The following KCNN2 variants were observed in gnomAD, a reference collection of about 807,000 sequenced individuals.
KCNN2 encodes potassium calcium-activated channel subfamily N member 2, also known as small conductance calcium-activated potassium channel protein 2.
Under a neutral mutation model 55.5 loss-of-function variants are expected in KCNN2, and 24 were observed. The ratio of observed to expected loss-of-function variants is 0.43; its 90% confidence interval spans 0.31 to 0.61. The LOEUF (loss-of-function observed/expected upper bound fraction) is 0.61. KCNN2 is among the 20% of genes least tolerant of loss of function. The pLI is 0.08. For missense variants in KCNN2, 754 were observed against 853.6 expected (o/e 0.88, Z 1.45); for synonymous variants, 431 against 336.1 (o/e 1.28, Z -3.09).
chr5:114,157,468 A>C (rs76004579), intron 1 of KCNN2, among the ~76,000 whole-genome samples: 13 of 152,018 alleles, frequency 8.6e-5, no homozygotes, highest in African/African-American at 2.9e-4. Context: ...ATAAACATAC[A>C]TGTGCATGTG....
intron 2 of KCNN2, among the ~76,000 whole-genome samples, chr5:114,341,053 T>C (rs555461657): frequency 4.6e-5 from 7 of 152,354 alleles, no homozygotes; most frequent in Admixed American, 1.3e-4. Context: ...TCATCGTCTA[T>C]ATGTATATAC....
intron 2 of KCNN2, among the ~76,000 whole-genome samples, chr5:114,345,088 A>G (rs1057102224): frequency 1.3e-5 from 2 of 152,186 alleles, no homozygotes; most frequent in Non-Finnish European, 2.9e-5. Flanking sequence ...CCAAAATAAG[A>G]GAGTGTTTGA....
At chr5:114,327,264 C>T (rs771354670) in intron 2 of KCNN2, among the ~76,000 whole-genome samples, 132 of 152,320 alleles carry the variant, frequency 8.7e-4, no homozygotes, top group Admixed American at 1.9e-3. Context: ...TTTTAATTTT[C>T]TCATCTGCCT....
chr5:114,327,634 A>G (rs1033639558), intron 2 of KCNN2, among the ~76,000 whole-genome samples: 5 of 152,246 alleles, frequency 3.3e-5, no homozygotes, highest in African/African-American at 1.2e-4. Flanking sequence ...CATTTGTAGA[A>G]TGAAAGGAGT....
intron 2 of KCNN2, among the ~76,000 whole-genome samples, chr5:114,295,674 T>G (rs1246284035): frequency 6.6e-6 from 1 of 152,158 alleles, no homozygotes; most frequent in Non-Finnish European, 1.5e-5. Flanking sequence ...TGCCTCACCC[T>G]GCTTCAGCTC....
At chr5:114,090,117 C>T (rs1751105149) in intron 1 of KCNN2, among the ~76,000 whole-genome samples, 3 of 152,110 alleles carry the variant, frequency 2.0e-5, no homozygotes, top group Non-Finnish European at 4.4e-5. Flanking sequence ...TTCCAGATAT[C>T]TTTTTATATA....
intron 1 of KCNN2, among the ~76,000 whole-genome samples, chr5:114,124,145 CATA>C (rs1351719047): frequency 6.6e-6 from 1 of 152,138 alleles, no homozygotes; most frequent in Non-Finnish European, 1.5e-5. Context: ...TGTTTGTCAT[CATA>C]ATGGCAGGTT....
intron 2 of KCNN2, among the ~76,000 whole-genome samples, chr5:114,222,399 C>T (rs757337238): frequency 1.3e-5 from 2 of 152,064 alleles, no homozygotes; most frequent in Non-Finnish European, 2.9e-5. Flanking sequence ...CATGGACAGG[C>T]AATGAATATC....
intron 1 of KCNN2, among the ~76,000 whole-genome samples, chr5:114,134,785 A>G (rs1160044438): frequency 1.3e-5 from 2 of 152,118 alleles, no homozygotes; most frequent in African/African-American, 2.4e-5. Flanking sequence ...CAGCCGTGAT[A>G]ATTCTTATCT....
chr5:114,491,223 C>T (rs542697427), intron 6 of KCNN2, among the ~76,000 whole-genome samples: 3 of 152,272 alleles, frequency 2.0e-5, no homozygotes, highest in East Asian at 3.9e-4. Flanking sequence ...GCCTGACTTA[C>T]AGAATTCAGG....
intron 5 of KCNN2, among the ~76,000 whole-genome samples, chr5:114,477,686 C>G (rs1035750695): frequency 6.6e-6 from 1 of 152,156 alleles, no homozygotes; most frequent in Non-Finnish European, 1.5e-5. Context: ...ATTATTATTA[C>G]TGCTCATTCC....
rs1052122927 is a variant in KCNN2, at chr5:114,259,268, A to G, written c.-185+37703A>G. Among the ~76,000 whole-genome samples the G allele has an allele frequency of 3.9e-5, 6 of 152,294 alleles. No individual in the cohort carries two copies. In the East Asian group the frequency reaches 9.7e-4, roughly 25 times the overall value. The stretch of plus-strand genomic sequence containing the variant: ...CTTCCCTTAGGAACATCACTCCCCA[A>G]GAGCTGGACCACTCAGAACCCTCAG... On this transcript the variant is annotated intron_variant, in intron 2 of 10. Transcript: ENST00000512097.
intron 1 of KCNN2, among the ~76,000 whole-genome samples, chr5:114,186,828 A>G (rs1219746642): frequency 6.6e-6 from 1 of 152,178 alleles, no homozygotes; most frequent in Admixed American, 6.5e-5. Flanking sequence ...AATACCCTTC[A>G]AAGGAGAGAG....
At chr5:114,123,285 C>CA (rs987471623) in intron 1 of KCNN2, among the ~76,000 whole-genome samples, 1 of 151,530 alleles carries the variant, frequency 6.6e-6, no homozygotes, top group African/African-American at 2.4e-5. Context: ...TCAAAGCAAG[C>CA]AGGTGCATCC....
intron 1 of KCNN2, among the ~76,000 whole-genome samples, chr5:114,141,203 C>T (rs1044838795): frequency 1.3e-5 from 2 of 152,022 alleles, no homozygotes. Flanking sequence ...CATATGTATA[C>T]ATGTGCCATG....
chr5:114,264,642 A>AT (rs1470191749), intron 2 of KCNN2, among the ~76,000 whole-genome samples: 2 of 152,186 alleles, frequency 1.3e-5, no homozygotes, highest in African/African-American at 4.8e-5. Context: ...AACATTAAAG[A>AT]TTTTAAGAGT....
At chr5:114,489,906 T>C (rs1030917918) in intron 6 of KCNN2, among the ~76,000 whole-genome samples, 1 of 152,206 alleles carries the variant, frequency 6.6e-6, no homozygotes, top group Non-Finnish European at 1.5e-5. Flanking sequence ...TGGCCTCTCC[T>C]ACTCTCTGAT....
chr5:114,292,249 G>C (rs2150018280), intron 2 of KCNN2, among the ~76,000 whole-genome samples: 1 of 152,306 alleles, frequency 6.6e-6, no homozygotes, highest in African/African-American at 2.4e-5. Context: ...TCGTGTTTTA[G>C]ACATGAAGTC....
At chr5:114,268,180 C>CTGA (rs1344251522) in intron 2 of KCNN2, among the ~76,000 whole-genome samples, 2 of 152,192 alleles carry the variant, frequency 1.3e-5, no homozygotes, top group Non-Finnish European at 2.9e-5. Context: ...ACACAAAGAA[C>CTGA]TGATGAATAG....
Sources: allele counts gnomAD v4.1 joint callset (sites outside exome capture counted in the v4.1 genomes callset), GRCh38; gene constraint gnomAD v4.1.1; transcripts MANE v1.5; gene names NCBI Gene and HGNC (gene_info 2026-07-23, HGNC 2026-07-21).